Variants in DOK6 observed in about 807,000 individuals in gnomAD.
The protein encoded by DOK6 is downstream of tyrosine kinase 6.
A neutral mutation model predicts 44.0 loss-of-function variants in DOK6; 22 were observed. The observed-to-expected ratio is 0.50, with a 90% CI of 0.36 to 0.71. DOK6 has a LOEUF of 0.71. DOK6 is among the 30% of genes least tolerant of loss of function. DOK6 has a pLI of 0.00. For synonymous variants in DOK6, 166 were observed against 145.5 expected (o/e 1.14, Z -1.01); for missense variants, 340 against 416.4 (o/e 0.82, Z 1.60).
At chr18:69,533,048 C>T (rs925608900) in intron 1 of DOK6, among the ~76,000 whole-genome samples, 1 of 151,846 alleles carries the variant, frequency 6.6e-6, no homozygotes, top group East Asian at 1.9e-4. Flanking sequence ...TTTTGATACT[C>T]TAAAAGAAAT....
At position 69,605,371 on chromosome 18, in the gene DOK6, A is replaced by G. The variant is rs1456570155; in HGVS notation, c.289+5873A>G. 2.9e-4 allele frequency among the ~76,000 whole-genome samples: 44 copies of G among 152,156 alleles called. 1 individual carries two copies. Among genetic ancestry groups the G allele is most frequent in the Non-Finnish European group, 1.5e-5 (1 of 68,036 alleles). Reference sequence around the variant, plus strand: ...ACAGAGGTACTTTGAACCTCAGCACATGCTCTTAACAACTAGGTCACCTGT... The same window carrying G: ...ACAGAGGTACTTTGAACCTCAGCACGTGCTCTTAACAACTAGGTCACCTGT... On this transcript the variant is annotated intron_variant, in intron 3 of 7. Transcript: ENST00000382713.
At chr18:69,474,052 C>A (rs1423698720) in intron 1 of DOK6, among the ~76,000 whole-genome samples, 1 of 152,092 alleles carries the variant, frequency 6.6e-6, no homozygotes, top group East Asian at 1.9e-4. Context: ...TGGAAAGAGG[C>A]TTCATTAAAG....
chr18:69,805,054 T>TA (rs1253697049), intron 7 of DOK6, among the ~76,000 whole-genome samples: 1 of 152,154 alleles, frequency 6.6e-6, no homozygotes, highest in African/African-American at 2.4e-5. Flanking sequence ...AAGCTACACT[T>TA]AAAAAATTTC....
At chr18:69,499,435 T>C (rs1219256134) in intron 1 of DOK6, among the ~76,000 whole-genome samples, 1 of 152,230 alleles carries the variant, frequency 6.6e-6, no homozygotes, top group Non-Finnish European at 1.5e-5. Flanking sequence ...TAATCAAATC[T>C]ACTTTTCCTT....
chr18:69,769,991 G>C (rs981237963), intron 7 of DOK6, among the ~76,000 whole-genome samples: 5 of 152,030 alleles, frequency 3.3e-5, no homozygotes, highest in Admixed American at 6.6e-5. Context: ...GAAGAAGAAG[G>C]GTATTTTATT....
In DOK6 at chr18:69,614,359, C is replaced by T. The variant is rs1365880174; in HGVS notation, c.289+14861C>T. ...TTCAAAATGACAGGCAGTAGGCATA[C>T]ATTTCAACCTTTATTTTCATTAGCA... On this transcript the variant is annotated intron_variant, in intron 3 of 7. Coordinates refer to ENST00000382713, the MANE Select transcript of DOK6 (RefSeq NM_152721.6). Among the ~76,000 whole-genome samples, 3 of 152,110 alleles carry T rather than the reference C, an allele frequency of 2.0e-5. No individual in the cohort carries two copies. The East Asian group carries it at 5.8e-4, about 29-fold the overall frequency.
In DOK6 at chr18:69,497,222, G is replaced by A. The variant is rs184462126; in HGVS notation, c.67-67265G>A. 1.9e-3 allele frequency among the ~76,000 whole-genome samples: 293 copies of A among 152,246 alleles called. 1 individual carries two copies. The highest frequency in any genetic ancestry group is 3.6e-3 in the Non-Finnish European group (245 of 68,018). On this transcript the variant is annotated intron_variant, in intron 1 of 7. Transcript: ENST00000382713. ...AGATTATTATCAAACCTTCTAAACA[G>A]CATTTGTCTGAAATATACATTTCTT...
intron 1 of DOK6, among the ~76,000 whole-genome samples, chr18:69,466,417 A>G (rs575219681): frequency 5.9e-5 from 9 of 152,266 alleles, no homozygotes; most frequent in South Asian, 2.1e-4. Context: ...TCTTTCATCA[A>G]TGAACACAAA....
In DOK6 at chr18:69,401,372, G is replaced by T. The variant is rs533047144; in HGVS notation, c.66+62G>T. 9.9e-5 allele frequency: 142 copies of T among 1,429,312 alleles called. 1 individual carries two copies. The Middle Eastern group carries it at 1.8e-3, about 18-fold the overall frequency. 88.5% of individuals were successfully genotyped at this position (1,429,312 alleles called of 1,614,324 possible). On this transcript the variant is annotated intron_variant, in intron 1 of 7. Coordinates refer to ENST00000382713, the MANE Select transcript of DOK6 (RefSeq NM_152721.6). Reference sequence around the variant, plus strand: ...TCGTTCGGCCCGGCTGGCTGCCTGGGGGGGGGGCAGGGAGAGGTGACCCGT... The same window carrying T: ...TCGTTCGGCCCGGCTGGCTGCCTGGTGGGGGGGCAGGGAGAGGTGACCCGT...
chr18:69,689,976 T>C (rs1253341915), intron 4 of DOK6, among the ~76,000 whole-genome samples: 1 of 152,144 alleles, frequency 6.6e-6, no homozygotes, highest in Non-Finnish European at 1.5e-5. Flanking sequence ...ACTTTCAGTA[T>C]AATAATTGTG....
At chr18:69,461,499 G>A (rs999365541) in intron 1 of DOK6, among the ~76,000 whole-genome samples, 4 of 152,004 alleles carry the variant, frequency 2.6e-5, no homozygotes, top group Non-Finnish European at 4.4e-5. Flanking sequence ...ATCTGCTTAC[G>A]GTGGAGCACA....
At chr18:69,813,395 A>C (rs569254232) in intron 7 of DOK6, among the ~76,000 whole-genome samples, 31 of 152,112 alleles carry the variant, frequency 2.0e-4, no homozygotes, top group Non-Finnish European at 3.8e-4. Context: ...AGAAGGCTAG[A>C]TTGTTGTCCT....
At chr18:69,806,072 T>C (rs1336795110) in intron 7 of DOK6, among the ~76,000 whole-genome samples, 1 of 151,864 alleles carries the variant, frequency 6.6e-6, no homozygotes, top group Non-Finnish European at 1.5e-5. Flanking sequence ...CATTTTGAAG[T>C]TTTAAACCGA....
chr18:69,445,960 T>G (rs1183135714), intron 1 of DOK6, among the ~76,000 whole-genome samples: 1 of 152,166 alleles, frequency 6.6e-6, no homozygotes. Context: ...CTACTTTCAT[T>G]CCTGATTTTA....
intron 1 of DOK6, among the ~76,000 whole-genome samples, chr18:69,442,635 C>T (rs944575834): frequency 6.6e-6 from 1 of 152,118 alleles, no homozygotes; most frequent in Non-Finnish European, 1.5e-5. Context: ...CAGAGACAAA[C>T]CATATTATTT....
intron 1 of DOK6, among the ~76,000 whole-genome samples, chr18:69,429,096 A>ATTG (rs1316536853): frequency 6.6e-6 from 1 of 152,190 alleles, no homozygotes; most frequent in East Asian, 1.9e-4. Flanking sequence ...GAAGTAATTA[A>ATTG]TTGAGGGCTT....
intron 4 of DOK6, among the ~76,000 whole-genome samples, chr18:69,688,408 G>A (rs747697108): frequency 5.3e-5 from 8 of 152,248 alleles, no homozygotes; most frequent in South Asian, 2.1e-4. Context: ...AGTTGAAACC[G>A]GTGTCTTTCC....
chr18:69,404,519 A>G (rs1193823868), intron 1 of DOK6, among the ~76,000 whole-genome samples: 1 of 152,176 alleles, frequency 6.6e-6, no homozygotes, highest in Non-Finnish European at 1.5e-5. Context: ...TGGAGTGATC[A>G]TCATCATCAT....
At chr18:69,607,208 C>T (rs1012474018) in intron 3 of DOK6, among the ~76,000 whole-genome samples, 1 of 152,210 alleles carries the variant, frequency 6.6e-6, no homozygotes, top group African/African-American at 2.4e-5. Flanking sequence ...CCCCTTACCC[C>T]CAGGGGGAGT....
Sources: allele counts gnomAD v4.1 joint callset (sites outside exome capture counted in the v4.1 genomes callset), GRCh38; gene constraint gnomAD v4.1.1; transcripts MANE v1.5; gene names NCBI Gene and HGNC (gene_info 2026-07-23, HGNC 2026-07-21).